Variants in RNF207 observed in about 807,000 individuals in gnomAD.
RNF207 encodes the protein OTTHUMG00000001089.
RNF207 carries 72 observed loss-of-function variants against 79.0 expected under a neutral mutation model. The ratio of observed to expected loss-of-function variants is 0.91; its 90% confidence interval spans 0.75 to 1.11. The LOEUF is 1.11. Ranked by LOEUF, RNF207 falls within the 50% of genes least tolerant of loss-of-function variation. The probability of loss-of-function intolerance (pLI) is 0.00; values close to 1 mark genes in which losing one functional copy is unlikely to be tolerated. For missense variants in RNF207, 936 were observed against 855.8 expected, an observed-to-expected ratio of 1.09 and a Z score of -1.17; for synonymous variants, 348 against 366.2, an observed-to-expected ratio of 0.95 and a Z score of 0.57.
In RNF207 at chr1:6,219,418, C is replaced by G; in HGVS notation, c.*11C>G. 6.3e-7 allele frequency: 1 copy of G among 1,588,844 alleles called. No homozygotes were observed. The highest frequency in any genetic ancestry group is 8.6e-7 in the Non-Finnish European group (1 of 1,165,220). On this transcript the variant is annotated 3_prime_UTR_variant, in exon 18 of 18. Transcript: ENST00000377939. Reference sequence around the variant, plus strand: ...GAACACCCGACTTAGCAAATGGGACCGGTCCCCAGGGTCAGGCTCTTAGAG... The same window carrying G: ...GAACACCCGACTTAGCAAATGGGACGGGTCCCCAGGGTCAGGCTCTTAGAG...
chr1:6,207,238 T>A lies in RNF207; in HGVS notation c.192-141T>A. 1.2e-6 allele frequency: 1 copy of A among 806,528 alleles called. No homozygotes were observed. The highest frequency in any genetic ancestry group is 1.9e-6 in the Non-Finnish European group (1 of 539,934). 50.0% of individuals were successfully genotyped at this position (806,528 alleles called of 1,614,324 possible). A position where few individuals can be genotyped will look rare whatever the true frequency, so the allele number is the denominator to read the frequency against. The stretch of plus-strand genomic sequence containing the variant: ...AGGGCAGGGTGAGTGCTGGCTGTGA[T>A]ATTTATAGCAGACCCCAGAGCTGTG... On this transcript the variant is annotated intron_variant, in intron 2 of 17. Transcript: ENST00000377939. The surrounding 1 kb of genome is among the most constrained non-coding windows in gnomAD (Gnocchi z 4.5).
In RNF207 at chr1:6,206,320, C is replaced by T. The variant is rs1667895884; in HGVS notation, c.-1+18C>T. ...CCCAGCGGGTAGGTACAAGGCCCCG[C>T]CCCTCGCCAGTCCTCACTGCCTGTT... On this transcript the variant is annotated intron_variant, in intron 1 of 17. Coordinates refer to ENST00000377939, the MANE Select transcript of RNF207 (RefSeq NM_207396.3). 1 of 556,136 alleles carries T rather than the reference C, an allele frequency of 1.8e-6. No homozygotes were observed. Among genetic ancestry groups the T allele is most frequent in the Non-Finnish European group, 3.2e-6 (1 of 317,398 alleles). 34.5% of individuals were successfully genotyped at this position (556,136 alleles called of 1,614,324 possible). A position where few individuals can be genotyped will look rare whatever the true frequency, so the allele number is the denominator to read the frequency against.
rs1557584758 is a variant in RNF207 at position 6,209,150 on chromosome 1, G to C, written c.505G>C (p.Asp169His). The change falls in exon 5 of 18, where the codon GAC becomes CAC. Residue 169 changes from aspartate to histidine, a missense_variant. Coordinates refer to ENST00000377939, the MANE Select transcript of RNF207 (RefSeq NM_207396.3). Reference sequence around the variant, plus strand: ...AGAGCCCTACCTCTTGTTCTCCACCGACAAGAAGTTGCTGTTGTGCATCCG... The same window carrying C: ...AGAGCCCTACCTCTTGTTCTCCACCCACAAGAAGTTGCTGTTGTGCATCCG... ...HAEPYLLFST[D>H]KKLLLCIRCF... 2 of 1,558,206 alleles carry C rather than the reference G, an allele frequency of 1.3e-6. No homozygotes were observed. The highest frequency in any genetic ancestry group is 1.7e-4 in the Middle Eastern group (1 of 5,996).
intron 1 of RNF207, 107 bp from the exon 2 acceptor site, chr1:6,206,429 G>C (rs1667901380): frequency 1.3e-6 from 1 of 759,916 alleles, no homozygotes; most frequent in Admixed American, 2.9e-5. Flanking sequence ...ACGCCCAGTC[G>C]GGTCCAGGCG....
chr1:6,209,636 C>A, intron 7 of RNF207, 97 bp downstream of exon 7: 1 of 1,333,986 alleles, frequency 7.5e-7, no homozygotes, highest in Non-Finnish European at 9.8e-7. Flanking sequence ...AGTGGGGCAG[C>A]AGGCCTTGCA....
At chr1:6,214,630 C>CTTTTTTTTTTTTTTTTTTTTTTTTTTT (rs144139448) in intron 16 of RNF207, among the ~76,000 whole-genome samples, 1 of 70,628 alleles carries the variant, frequency 1.4e-5, no homozygotes, top group Non-Finnish European at 2.6e-5. Flanking sequence ...ATATTTCTTT[C>CTTTTTTTTTTTTTTTTTTTTTTTTTTT]TTTTTTTTTT....
intron 15 of RNF207, 46 bp from the exon 16 acceptor site, chr1:6,213,020 A>G (rs760516964): frequency 7.9e-7 from 1 of 1,270,934 alleles, no homozygotes; most frequent in African/African-American, 1.5e-5. Context: ...ATCTGAAGCC[A>G]GATGCTTCAG....
intron 16 of RNF207, among the ~76,000 whole-genome samples, chr1:6,213,869 C>T (rs1213611894): frequency 6.6e-6 from 1 of 152,158 alleles, no homozygotes; most frequent in African/African-American, 2.4e-5. Flanking sequence ...GGCAAGTCTT[C>T]GCTGTTCCTG....
Position 6,211,840 on chromosome 1 carries a change from C to T in RNF207, c.1110-27C>T, listed in dbSNP as rs1347158048. ...GGGAGGGGCAGACTTCCCCACCCCC[C>T]TGCATCCACACTGGCTCTCTCCCCA... On this transcript the variant is annotated intron_variant, in intron 12 of 17. Transcript: ENST00000377939. The surrounding 1 kb of genome is among the most constrained non-coding windows in gnomAD (Gnocchi z 4.2). The T allele has an allele frequency of 5.2e-6, 8 of 1,533,702 alleles. 1 individual carries two copies. Among genetic ancestry groups the T allele is most frequent in the South Asian group, 3.6e-5 (3 of 83,210 alleles).
In RNF207 at chr1:6,208,865, C is replaced by T; in HGVS notation, c.325-16C>T. ...GGTCGGGCTCTGGCGCTCCTGAGCC[C>T]GCGCTCGGCCCGCAGGACGTGGAGA... is the stretch of plus-strand genomic sequence containing the variant. On this transcript the variant is annotated splice_polypyrimidine_tract_variant and intron_variant, in intron 3 of 17. Transcript: ENST00000377939. 3 of 1,522,442 alleles carry T rather than the reference C, an allele frequency of 2.0e-6. No homozygotes were observed. The highest frequency in any genetic ancestry group is 1.4e-5 in the African/African-American group (1 of 71,288). 94.3% of individuals were successfully genotyped at this position (1,522,442 alleles called of 1,614,324 possible).
At chr1:6,214,720 C>T (rs913068213) in intron 16 of RNF207, among the ~76,000 whole-genome samples, 1 of 148,918 alleles carries the variant, frequency 6.7e-6, no homozygotes, top group Non-Finnish European at 1.5e-5. Context: ...CTGCAACTTC[C>T]GCCCCCTGGG....
chr1:6,214,169 TCG>T (rs1668279069), intron 16 of RNF207, among the ~76,000 whole-genome samples: 1 of 152,326 alleles, frequency 6.6e-6, no homozygotes, highest in South Asian at 2.1e-4. Flanking sequence ...CATCGCTCTC[TCG>T]CTTTCTTATT....
intron 17 of RNF207, 39 bp from the exon 18 acceptor site, chr1:6,219,197 G>C (rs777538354): frequency 2.6e-6 from 4 of 1,551,506 alleles, no homozygotes; most frequent in Non-Finnish European, 2.6e-6. Flanking sequence ...ATGGTGAAAT[G>C]GGGGAGCGGG....
rs988737159 is a variant in RNF207 at position 6,207,414 on chromosome 1, C to T, written c.227C>T (p.Pro76Leu). Reference sequence around the variant, plus strand: ...GTGCTGAAGGGTCCCAGCGGGCTCCCGCCGGTGGACCGGCTGCTGCAGTTC... The same window carrying T: ...GTGCTGAAGGGTCCCAGCGGGCTCCTGCCGGTGGACCGGCTGCTGCAGTTC... Reference protein sequence around the residue: ...QTVLKGPSGLPPVDRLLQFLV... With the variant: ...QTVLKGPSGLLPVDRLLQFLV... Residue 76 changes from proline (P) to leucine (L), a missense_variant, in exon 3 of 18, where the codon CCG (proline) becomes CTG (leucine). Physicochemically the swap from Pro to Leu is moderately conservative, Grantham distance 98 (BLOSUM62 -3). Coordinates refer to ENST00000377939, the MANE Select transcript of RNF207 (RefSeq NM_207396.3). This position sits in a 1 kb window ranked among gnomAD's most constrained non-coding sequence, Gnocchi z 4.5. 4 of 1,550,596 alleles carry T rather than the reference C, an allele frequency of 2.6e-6. No individual in the cohort carries two copies. The highest frequency in any genetic ancestry group is 3.5e-6 in the Non-Finnish European group (4 of 1,146,266).
intron 16 of RNF207, 96 bp downstream of exon 16, chr1:6,213,279 G>C: frequency 1.4e-6 from 1 of 723,710 alleles, no homozygotes. Context: ...CTAACACTTC[G>C]GGAGGCTGAG....
rs200379375 is a variant in RNF207, at chr1:6,211,047, C to T, written c.1038C>T (p.Phe346=). The change falls in exon 12 of 18, where the codon TTC becomes TTT. Residue 346 remains phenylalanine, a synonymous_variant. Transcript: ENST00000377939. This position sits in a 1 kb window ranked among gnomAD's most constrained non-coding sequence, Gnocchi z 4.2. ...SKIASDHRAE[F]ARCLEPLLLL... is the part of the protein sequence containing the mutation. ...TTGCCAGTGACCACCGAGCTGAATT[C>T]GCGCGCTGTCTGGAGCCACTGCTGC... 90 of 1,608,958 alleles carry T rather than the reference C, an allele frequency of 5.6e-5. No individual in the cohort carries two copies. The highest frequency in any genetic ancestry group is 1.6e-4 in the Middle Eastern group (1 of 6,072).
intron 1 of RNF207, 93 bp downstream of exon 1, chr1:6,206,395 G>A (rs1667900085): frequency 1.6e-6 from 1 of 620,126 alleles, no homozygotes; most frequent in South Asian, 2.0e-5. Context: ...GGGCCCTAGC[G>A]GCTCCCCACT....
In RNF207 at chr1:6,220,441, G is replaced by C. The variant is rs1438892663; in HGVS notation, c.*1034G>C. On this transcript the variant is annotated 3_prime_UTR_variant, in exon 18 of 18. Transcript: ENST00000377939. Reference sequence around the variant, plus strand: ...ACCTGCCCTATTGCAAAGGAATCCAGTTCCTCCGGAATAACAGTCCCACTG... The same window carrying C: ...ACCTGCCCTATTGCAAAGGAATCCACTTCCTCCGGAATAACAGTCCCACTG... 6.6e-6 allele frequency: 1 copy of C among 152,238 alleles called. No individual in the cohort carries two copies. The highest frequency in any genetic ancestry group is 1.5e-5 in the Non-Finnish European group (1 of 68,052). The allele number at this position is 152,238 out of a possible 1,614,324, so 9.4% of individuals were successfully genotyped here.
Position 6,206,689 on chromosome 1 carries a change from C to G in RNF207, c.154C>G (p.Arg52Gly), listed in dbSNP as rs769349321. ...CTTCTGTGCCGGCTGCCTGCGTGGCCGCGCGACCGACGGCCGCCTCACCTG... is the reference window on the plus strand; with the variant it reads ...CTTCTGTGCCGGCTGCCTGCGTGGCGGCGCGACCGACGGCCGCCTCACCTG... ...HDFCAGCLRG[R>G]ATDGRLTCPL... Residue 52 changes from arginine to glycine, a missense_variant, in exon 2 of 18, where the codon CGC (arginine) becomes GGC (glycine). Coordinates refer to ENST00000377939, the MANE Select transcript of RNF207 (RefSeq NM_207396.3). 2 of 1,603,912 alleles carry G rather than the reference C, an allele frequency of 1.2e-6. No homozygotes were observed. Among genetic ancestry groups the G allele is most frequent in the Non-Finnish European group, 1.7e-6 (2 of 1,179,684 alleles).
Sources: gnomAD v4.1 joint callset for allele counts (sites outside exome capture counted in the v4.1 genomes callset) on GRCh38, gnomAD v4.1.1 for gene constraint, Gnocchi (gnomAD v3.1) non-coding constraint, MANE v1.5 for transcripts, NCBI Gene and HGNC (gene_info 2026-07-23, HGNC 2026-07-21) for gene names.